The following MED13L variants were observed in gnomAD, a reference collection of about 807,000 sequenced individuals.
MED13L encodes mediator complex subunit 13L, also known as mediator of RNA polymerase II transcription subunit 13-like.
A neutral mutation model predicts 220.9 loss-of-function variants in MED13L; 7 were observed. The ratio of observed to expected loss-of-function variants is 0.03; its 90% CI spans 0.02 to 0.06. The LOEUF (loss-of-function observed/expected upper bound fraction) is 0.06, where lower values mean the gene tolerates loss of function less well. MED13L is among the 10% of genes least tolerant of loss of function. The probability of loss-of-function intolerance (pLI) is 1.00; values close to 1 mark genes in which losing one functional copy is unlikely to be tolerated. For synonymous variants in MED13L, 1,011 were observed against 1,015.2 expected (o/e 1.00, Z 0.08); for missense variants, 1,965 against 2,760.5 (o/e 0.71, Z 6.46).
chr12:116,212,844 A>G (rs947002571), intron 2 of MED13L, among the ~76,000 whole-genome samples: 5 of 152,198 alleles, frequency 3.3e-5, no homozygotes, highest in Non-Finnish European at 7.3e-5. Context: ...AATGACACAG[A>G]GAGAATTACA....
Position 116,031,740 on chromosome 12 carries a change from GAAAAGAAAA to G in MED13L, c.480-9148_480-9140del, listed in dbSNP as rs1880816832. ...GAAAAGAAAAGAAAAGAAAAGAAAAGAAAAGAAAAGAAAAGAAAAGAAGGAAGGAAGGAA... is the reference window on the plus strand; with the variant it reads ...GAAAAGAAAAGAAAAGAAAAGAAAAGGAAAAGAAAAGAAGGAAGGAAGGAA... On this transcript the variant is annotated intron_variant, in intron 4 of 30. Transcript: ENST00000281928. Among the ~76,000 whole-genome samples the G allele has an allele frequency of 2.6e-3, 158 of 60,826 alleles. 2 individuals are homozygous for G. The highest frequency in any genetic ancestry group is 8.4e-3 in the East Asian group (15 of 1,792). The allele number at this position is 60,826 out of a possible 152,430, so 39.9% of individuals were successfully genotyped here.
intron 2 of MED13L, among the ~76,000 whole-genome samples, chr12:116,235,558 G>A (rs1373136510): frequency 1.3e-5 from 2 of 151,980 alleles, no homozygotes; most frequent in Non-Finnish European, 2.9e-5. Flanking sequence ...TAAATGTAGT[G>A]TTTCTGTAAT....
At chr12:116,034,983 C>A (rs1379399399) in intron 4 of MED13L, among the ~76,000 whole-genome samples, 1 of 151,892 alleles carries the variant, frequency 6.6e-6, no homozygotes, top group Non-Finnish European at 1.5e-5. Flanking sequence ...CCAGCCTGAA[C>A]GAAAAAGCGA....
At position 116,166,759 on chromosome 12, in the gene MED13L, G is replaced by A. The variant is rs558419472; in HGVS notation, c.311-55247C>T. On this transcript the variant is annotated intron_variant, in intron 2 of 30. Coordinates refer to ENST00000281928, the MANE Select transcript of MED13L (RefSeq NM_015335.5). ...ATAACCTAAATCCAAAGATTGCACA[G>A]ACCAAGTTTGTTTTTACTCCACAGT... Among the ~76,000 whole-genome samples the A allele has an allele frequency of 2.6e-5, 4 of 152,212 alleles. No homozygotes were observed. The South Asian group carries it at 8.3e-4, about 32-fold the overall frequency.
chr12:116,212,327 T>C (rs924267117), intron 2 of MED13L, among the ~76,000 whole-genome samples: 15 of 152,024 alleles, frequency 9.9e-5, no homozygotes, highest in African/African-American at 3.4e-4. Context: ...AAAATGATAA[T>C]TAAGTTAATT....
intron 2 of MED13L, among the ~76,000 whole-genome samples, chr12:116,219,855 T>C (rs1883208265): frequency 6.6e-6 from 1 of 152,180 alleles, no homozygotes; most frequent in Non-Finnish European, 1.5e-5. Context: ...TGGAGTGCAG[T>C]GGCATCATCT....
At chr12:116,085,045 C>T (rs1871529084) in intron 4 of MED13L, among the ~76,000 whole-genome samples, 1 of 152,168 alleles carries the variant, frequency 6.6e-6, no homozygotes, top group Admixed American at 6.5e-5. Flanking sequence ...AGAAACAATA[C>T]TACTCAATTT....
chr12:116,064,557 A>G (rs1382215109), intron 4 of MED13L, among the ~76,000 whole-genome samples: 1 of 152,214 alleles, frequency 6.6e-6, no homozygotes, highest in African/African-American at 2.4e-5. Flanking sequence ...TATGACCGAA[A>G]GCAAGAAGCT....
chr12:116,068,870 G>A (rs769108250), intron 4 of MED13L, among the ~76,000 whole-genome samples: 8 of 150,120 alleles, frequency 5.3e-5, no homozygotes, highest in Non-Finnish European at 1.0e-4. Context: ...GTGGGGGGGC[G>A]TGCATGTCCC....
intron 1 of MED13L, among the ~76,000 whole-genome samples, chr12:116,265,555 C>T (rs1319445307): frequency 1.3e-5 from 2 of 152,214 alleles, no homozygotes; most frequent in South Asian, 2.1e-4. Context: ...TTGAGATTCA[C>T]GTCTGTCCAG....
intron 4 of MED13L, among the ~76,000 whole-genome samples, chr12:116,050,696 G>T (rs912641588): frequency 6.6e-6 from 1 of 152,062 alleles, no homozygotes; most frequent in African/African-American, 2.4e-5. Flanking sequence ...CAGCACTTTG[G>T]GAGGCCAAGG....
chr12:116,230,980 T>A (rs1437887103), intron 2 of MED13L, among the ~76,000 whole-genome samples: 1 of 152,212 alleles, frequency 6.6e-6, no homozygotes, highest in Non-Finnish European at 1.5e-5. Flanking sequence ...TAGGGGCTAT[T>A]CATTTTCATA....
intron 2 of MED13L, among the ~76,000 whole-genome samples, chr12:116,227,778 C>T (rs1593186033): frequency 6.6e-6 from 1 of 151,994 alleles, no homozygotes; most frequent in African/African-American, 2.4e-5. Flanking sequence ...ATTAAATGTT[C>T]AAGTGAAAAG....
chr12:116,015,216 C>A lies in MED13L; in HGVS notation c.1068G>T (p.Met356Ile), dbSNP rs749924527. 4.3e-6 allele frequency: 7 copies of A among 1,613,936 alleles called. No homozygotes were observed. The South Asian group carries it at 7.7e-5, about 18-fold the overall frequency. The change falls in exon 8 of 31, where the codon ATG becomes ATT. Residue 356 changes from methionine (M) to isoleucine (I), a missense_variant. Transcript: ENST00000281928. The stretch of plus-strand genomic sequence containing the variant: ...ATCTCTTTGGACTGTGCATCGTTAT[C>A]ATCCCTCCATCTTGGGAAACCAGGT... The part of the protein sequence containing the change: ...ASHLVSQDGG[M>I]ITMHSPKRSG...
At chr12:116,208,997 GA>G (rs1000280453) in intron 2 of MED13L, among the ~76,000 whole-genome samples, 1 of 150,654 alleles carries the variant, frequency 6.6e-6, no homozygotes, top group Non-Finnish European at 1.5e-5. Context: ...AAGCACCAGG[GA>G]AAAAAAAGGA....
At chr12:116,143,505 T>C (rs1377086718) in intron 2 of MED13L, among the ~76,000 whole-genome samples, 3 of 152,178 alleles carry the variant, frequency 2.0e-5, no homozygotes, top group Non-Finnish European at 2.9e-5. Context: ...CAGAAAGTTG[T>C]TGTGCTACAG....
rs78464563 is a variant in MED13L at position 116,264,798 on chromosome 12, C to A, written c.72+12262G>T. 6.1e-3 allele frequency among the ~76,000 whole-genome samples: 926 copies of A among 152,270 alleles called. 14 individuals are homozygous for A. The highest frequency in any genetic ancestry group is 0.021 in the African/African-American group (873 of 41,548). On this transcript the variant is annotated intron_variant, in intron 1 of 30. Coordinates refer to ENST00000281928, the MANE Select transcript of MED13L (RefSeq NM_015335.5). ...AGGCTCTTACCCTCCCCTACTCCCC[C>A]ATTCCTGCTTGCTTCACAATCAACC...
chr12:116,233,993 T>C (rs1435117287), intron 2 of MED13L, among the ~76,000 whole-genome samples: 3 of 152,222 alleles, frequency 2.0e-5, no homozygotes, highest in Non-Finnish European at 4.4e-5. Context: ...ATTATTCTCA[T>C]TTTATGGGAT....
rs150157399 is a variant in MED13L at position 116,127,971 on chromosome 12, T to C, written c.311-16459A>G. Among the ~76,000 whole-genome samples the C allele has an allele frequency of 2.0e-3, 303 of 152,304 alleles. 1 individual carries two copies. Among genetic ancestry groups the C allele is most frequent in the African/African-American group, 6.8e-3 (281 of 41,582 alleles). On this transcript the variant is annotated intron_variant, in intron 2 of 30. Coordinates refer to ENST00000281928, the MANE Select transcript of MED13L (RefSeq NM_015335.5). The stretch of plus-strand genomic sequence containing the variant: ...ATTTCAACAGCACTGGCCTTCTTTT[T>C]TCCAACAAAGTGAGCTCAAGACATC...
Sources: allele counts gnomAD v4.1 joint callset (sites outside exome capture counted in the v4.1 genomes callset), GRCh38; gene constraint gnomAD v4.1.1; transcripts MANE v1.5; gene names NCBI Gene and HGNC (gene_info 2026-07-23, HGNC 2026-07-21).